Variants in CPNE3 observed in about 807,000 individuals in gnomAD.
The protein encoded by CPNE3 is copine-3.
CPNE3 carries 68 observed loss-of-function variants against 63.9 expected under a neutral mutation model. The observed-to-expected ratio is 1.06, with a 90% CI of 0.87 to 1.30. The LOEUF is 1.30. CPNE3 is among the 50% of genes most tolerant of loss of function. The probability of loss-of-function intolerance (pLI) is 0.00; values close to 1 mark genes in which losing one functional copy is unlikely to be tolerated. For missense variants in CPNE3, 665 were observed against 578.1 expected, an observed-to-expected ratio of 1.15 and a Z score of -1.54; for synonymous variants, 219 against 197.5, an observed-to-expected ratio of 1.11 and a Z score of -0.91.
intron 2 of CPNE3, among the ~76,000 whole-genome samples, chr8:86,516,050 G>C (rs1820299724): frequency 6.6e-6 from 1 of 152,214 alleles, no homozygotes. Flanking sequence ...ATTATTAATA[G>C]GTCAGTTCCT....
rs981042976 is a variant in CPNE3 at position 86,514,492 on chromosome 8, T to G, written c.-98T>G. ...GCGGTCCCAGCGTCGCTCCGGACGC[T>G]GCCAACCTGTTCTCCACCGTCGCTC... On this transcript the variant is annotated 5_prime_UTR_variant, in exon 1 of 17. Coordinates refer to ENST00000517490, the MANE Select transcript of CPNE3 (RefSeq NM_003909.5). 3 of 149,654 alleles carry G rather than the reference T, an allele frequency of 2.0e-5. No individual in the cohort carries two copies. Among genetic ancestry groups the G allele is most frequent in the Admixed American group, 6.7e-5 (1 of 14,878 alleles). 9.3% of individuals were successfully genotyped at this position (149,654 alleles called of 1,614,324 possible). A position where few individuals can be genotyped will look rare whatever the true frequency, so the allele number is the denominator to read the frequency against.
intron 2 of CPNE3, among the ~76,000 whole-genome samples, chr8:86,520,802 T>C (rs1820420687): frequency 6.6e-6 from 1 of 151,554 alleles, no homozygotes; most frequent in Non-Finnish European, 1.5e-5. Flanking sequence ...GGGACTACAG[T>C]GCACCATGCC....
At chr8:86,526,167 A>C (rs1820536429) in intron 2 of CPNE3, among the ~76,000 whole-genome samples, 1 of 151,974 alleles carries the variant, frequency 6.6e-6, no homozygotes, top group South Asian at 2.1e-4. Context: ...GGCGGAGGCT[A>C]CAGTGAGCTG....
At chr8:86,527,670 G>A (rs1820569159) in intron 2 of CPNE3, among the ~76,000 whole-genome samples, 1 of 152,072 alleles carries the variant, frequency 6.6e-6, no homozygotes, top group African/African-American at 2.4e-5. Flanking sequence ...AGCTCCTCCA[G>A]ATGATTCCAG....
chr8:86,540,199 G>A (rs887793214), intron 7 of CPNE3, 46 bp from the exon 8 acceptor site: 5 of 1,187,764 alleles, frequency 4.2e-6, no homozygotes, highest in Non-Finnish European at 6.3e-6. Context: ...AAATGTTAAT[G>A]AACTGGAAGT....
At chr8:86,542,780 G>A (rs1256430167) in intron 8 of CPNE3, among the ~76,000 whole-genome samples, 1 of 151,880 alleles carries the variant, frequency 6.6e-6, no homozygotes, top group Non-Finnish European at 1.5e-5. Context: ...TATCATGTCT[G>A]CCTTCAAGGG....
intron 7 of CPNE3, among the ~76,000 whole-genome samples, chr8:86,539,765 C>T (rs1820889263): frequency 6.6e-6 from 1 of 150,454 alleles, no homozygotes; most frequent in Non-Finnish European, 1.5e-5. Context: ...CAGGTTCCAG[C>T]AGTTCTCCTG....
chr8:86,551,065 T>C lies in CPNE3; in HGVS notation c.1033T>C (p.Phe345Leu). The C allele has an allele frequency of 6.2e-7, 1 of 1,609,814 alleles. No homozygotes were observed. Among genetic ancestry groups the C allele is most frequent in the South Asian group, 1.1e-5 (1 of 89,828 alleles). The part of the protein sequence containing the change: ...DYDADKMFPA[F>L]GFGAQIPPQW... ...TTTTAGTGATAAGATGTTTCCAGCT[T>C]TTGGTTTTGGCGCTCAGATACCTCC... Residue 345 changes from phenylalanine to leucine, a missense_variant, in exon 13 of 17, where the codon TTT (phenylalanine) becomes CTT (leucine). Physicochemically the swap from Phe to Leu is conservative, Grantham distance 22. Transcript: ENST00000517490.
intron 2 of CPNE3, among the ~76,000 whole-genome samples, chr8:86,518,575 A>G (rs1032713036): frequency 4.6e-5 from 7 of 152,218 alleles, no homozygotes; most frequent in Non-Finnish European, 1.0e-4. Context: ...TGCATGTTCC[A>G]TAAAGTGGGA....
intron 6 of CPNE3, among the ~76,000 whole-genome samples, chr8:86,535,696 C>A (rs955386128): frequency 2.6e-5 from 4 of 152,022 alleles, no homozygotes; most frequent in Non-Finnish European, 5.9e-5. Context: ...GAATTACAGG[C>A]ACTTATTTTA....
rs1347128858 is a variant in CPNE3, at chr8:86,514,523, C to A, written c.-67C>A. On this transcript the variant is annotated 5_prime_UTR_variant, in exon 1 of 17. Coordinates refer to ENST00000517490, the MANE Select transcript of CPNE3 (RefSeq NM_003909.5). ...CCTGTTCTCCACCGTCGCTCGACTT[C>A]CACCTCTAAGACTCCCACGTGAGTG... 1.3e-5 allele frequency: 2 copies of A among 152,212 alleles called. No individual in the cohort carries two copies. The allele number at this position is 152,212 out of a possible 1,614,324, so 9.4% of individuals were successfully genotyped here. A position where few individuals can be genotyped will look rare whatever the true frequency, so the allele number is the denominator to read the frequency against.
At chr8:86,550,985 A>G in intron 12 of CPNE3, 61 bp from the exon 13 acceptor site, 1 of 1,467,316 alleles carries the variant, frequency 6.8e-7, no homozygotes, top group Non-Finnish European at 9.1e-7. Flanking sequence ...TATTGTGGGC[A>G]AAGATAAAGC....
In CPNE3 at chr8:86,558,504, CATTTATG is replaced by C; in HGVS notation, c.*97_*103del. On this transcript the variant is annotated 3_prime_UTR_variant, in exon 17 of 17. Transcript: ENST00000517490. ...CATTCTACGTACTTTTTACCCCCAG[CATTTATG>C]ATGTAAATCTCTTTCTCTATGGATT... 2.4e-6 allele frequency: 2 copies of C among 823,256 alleles called. No individual in the cohort carries two copies. The highest frequency in any genetic ancestry group is 4.3e-6 in the Non-Finnish European group (2 of 464,452). The allele number at this position is 823,256 out of a possible 1,614,324, so 51.0% of individuals were successfully genotyped here. A position where few individuals can be genotyped will look rare whatever the true frequency, so the allele number is the denominator to read the frequency against.
At chr8:86,531,368 T>C in intron 5 of CPNE3, 139 bp downstream of exon 5, 1 of 647,712 alleles carries the variant, frequency 1.5e-6, no homozygotes. Flanking sequence ...ACCCATGTCT[T>C]GTAGTTATCA....
chr8:86,542,561 A>G (rs995629500), intron 8 of CPNE3, among the ~76,000 whole-genome samples: 13 of 151,732 alleles, frequency 8.6e-5, no homozygotes, highest in African/African-American at 3.1e-4. Flanking sequence ...GTGTATATGT[A>G]TATTATATAT....
intron 6 of CPNE3, 86 bp from the exon 7 acceptor site, chr8:86,537,477 T>C: frequency 1.2e-6 from 1 of 806,438 alleles, no homozygotes; most frequent in Admixed American, 1.7e-5. Context: ...CTTCAGGTGG[T>C]TGCCAACATG....
At chr8:86,516,915 G>A (rs1033756717) in intron 2 of CPNE3, among the ~76,000 whole-genome samples, 53 of 152,330 alleles carry the variant, frequency 3.5e-4, no homozygotes, top group African/African-American at 1.2e-3. Context: ...GACCTTCAAA[G>A]ATTCATAATG....
At chr8:86,551,405 AC>A in intron 14 of CPNE3, 171 bp downstream of exon 14, 1 of 598,620 alleles carries the variant, frequency 1.7e-6, no homozygotes, top group East Asian at 2.8e-5. Context: ...GAAGAATTGC[AC>A]CAGGTTGGTG....
rs35185836 is a variant in CPNE3, at chr8:86,553,749, G to GTTTT, written c.1121-1088_1121-1085dup. Among the ~76,000 whole-genome samples the GTTTT allele has an allele frequency of 1.1e-4, 15 of 137,722 alleles. 1 individual carries two copies. Among genetic ancestry groups the GTTTT allele is most frequent in the Non-Finnish European group, 1.9e-4 (12 of 64,108 alleles). 90.4% of individuals were successfully genotyped at this position (137,722 alleles called of 152,430 possible). A position where few individuals can be genotyped will look rare whatever the true frequency, so the allele number is the denominator to read the frequency against. ...AGAGACCTGTTTTGATTTACATTAA[G>GTTTT]TTTTTTTTTTTTTTTTTGTGGCAAG... On this transcript the variant is annotated intron_variant, in intron 14 of 16. Coordinates refer to ENST00000517490, the MANE Select transcript of CPNE3 (RefSeq NM_003909.5).
Sources: allele counts gnomAD v4.1 joint callset (sites outside exome capture counted in the v4.1 genomes callset), GRCh38; gene constraint gnomAD v4.1.1; transcripts MANE v1.5; gene names NCBI Gene and HGNC (gene_info 2026-07-23, HGNC 2026-07-21).